TRPC5: variants seen among roughly 807,000 people sequenced by gnomAD.
The protein encoded by TRPC5 is transient receptor potential cation channel subfamily C member 5.
TRPC5 carries 9 observed loss-of-function variants against 56.5 expected under a neutral mutation model. The ratio of observed to expected loss-of-function variants is 0.16; its 90% CI spans 0.10 to 0.28. The LOEUF is 0.28. TRPC5 is among the 10% of genes least tolerant of loss of function. The pLI is 1.00. For missense variants in TRPC5, 469 were observed against 748.9 expected (o/e 0.63, Z 4.36); for synonymous variants, 282 against 278.5 (o/e 1.01, Z -0.13).
intron 1 of TRPC5, among the ~76,000 whole-genome samples, chrX:112,030,945 T>C (rs1929571937): frequency 9.0e-6 from 1 of 111,290 alleles, no homozygotes; most frequent in African/African-American, 3.3e-5. Flanking sequence ...GGGTTATACA[T>C]CTACATGTAA....
intron 3 of TRPC5, among the ~76,000 whole-genome samples, chrX:111,910,886 A>T (rs982137052): frequency 8.9e-6 from 1 of 112,747 alleles, no homozygotes; most frequent in African/African-American, 3.2e-5. Flanking sequence ...GTGCGTAAGT[A>T]TATTACCTAT....
chrX:111,951,886 C>T (rs4363364), intron 2 of TRPC5, among the ~76,000 whole-genome samples, 157 bp downstream of exon 2: 2,575 of 111,556 alleles, frequency 0.023, 78 homozygotes, highest in African/African-American at 0.079. Flanking sequence ...GCATGGGCCA[C>T]GTAGGGTAGC....
At chrX:112,042,743 A>G (rs1359967675) in intron 1 of TRPC5, among the ~76,000 whole-genome samples, 1 of 111,267 alleles carries the variant, frequency 9.0e-6, no homozygotes, top group African/African-American at 3.3e-5. Context: ...GGGCAGATGA[A>G]AAGTATTATA....
chrX:111,773,839 C>T lies in TRPC5; in HGVS notation c.*2474G>A, dbSNP rs1246822654. 9.0e-6 allele frequency among the ~76,000 whole-genome samples: 1 copy of T among 111,556 alleles called. No individual in the cohort carries two copies. The highest frequency in any genetic ancestry group is 3.3e-5 in the African/African-American group (1 of 30,698). ...GTCAGAGGATATACCTAAGCATTTTCACTTGAAATACCTTTTATGATACTT... is the reference window on the plus strand; with the variant it reads ...GTCAGAGGATATACCTAAGCATTTTTACTTGAAATACCTTTTATGATACTT... On this transcript the variant is annotated 3_prime_UTR_variant, in exon 11 of 11. Transcript: ENST00000262839.
chrX:112,017,078 A>G (rs1214868885), intron 1 of TRPC5, among the ~76,000 whole-genome samples: 1 of 111,543 alleles, frequency 9.0e-6, no homozygotes, highest in Non-Finnish European at 1.9e-5. Context: ...CAGTGGTGCA[A>G]TCTCGGCTCA....
intron 4 of TRPC5, 101 bp from the exon 5 acceptor site, chrX:111,852,538 G>T: frequency 1.1e-6 from 1 of 925,721 alleles, no homozygotes; most frequent in Non-Finnish European, 1.5e-6. Flanking sequence ...ATTAAGGAAT[G>T]AATTGGGGTC....
chrX:112,071,205 G>C (rs1285913751), intron 1 of TRPC5, among the ~76,000 whole-genome samples: 5 of 110,394 alleles, frequency 4.5e-5, no homozygotes, highest in African/African-American at 1.6e-4. Flanking sequence ...CCAGCTACTC[G>C]GGGAAGTGGG....
At chrX:111,995,605 T>C (rs1928504099) in intron 1 of TRPC5, among the ~76,000 whole-genome samples, 1 of 111,445 alleles carries the variant, frequency 9.0e-6, no homozygotes, top group Non-Finnish European at 1.9e-5. Context: ...GGACTTTTTT[T>C]GGTTTGGTAG....
At chrX:111,951,994 G>T in intron 2 of TRPC5, 49 bp downstream of exon 2, 2 of 1,159,125 alleles carry the variant, frequency 1.7e-6, no homozygotes, top group African/African-American at 3.6e-5. Context: ...TTCTGACCTG[G>T]TGCCCTGTTG....
intron 6 of TRPC5, among the ~76,000 whole-genome samples, chrX:111,836,548 G>T (rs186820730): frequency 5.7e-4 from 64 of 111,671 alleles, no homozygotes; most frequent in African/African-American, 2.0e-3. Flanking sequence ...CTTCAGAGAG[G>T]CTTTTCTTGG....
chrX:111,893,975 G>A (rs1189929540), intron 3 of TRPC5, among the ~76,000 whole-genome samples: 1 of 111,841 alleles, frequency 8.9e-6, no homozygotes, highest in South Asian at 3.8e-4. Context: ...CTCAAGGGGT[G>A]AAGAGGGTAA....
chrX:111,950,239 G>A (rs1359690501), intron 2 of TRPC5, among the ~76,000 whole-genome samples: 1 of 110,337 alleles, frequency 9.1e-6, no homozygotes, highest in Admixed American at 9.7e-5. Context: ...GCAGGAGAAT[G>A]GCATCAACCC....
At chrX:112,044,502 G>A (rs998382341) in intron 1 of TRPC5, among the ~76,000 whole-genome samples, 3 of 112,000 alleles carry the variant, frequency 2.7e-5, no homozygotes, top group African/African-American at 9.7e-5. Flanking sequence ...CAGAGATATT[G>A]TGAAAATTCA....
intron 1 of TRPC5, among the ~76,000 whole-genome samples, chrX:112,029,299 C>T (rs966737306): frequency 1.8e-5 from 2 of 112,124 alleles, no homozygotes; most frequent in African/African-American, 6.5e-5. Flanking sequence ...CTAATTCTAT[C>T]CATGTTGTTG....
chrX:111,941,679 CA>C (rs1181682989), intron 2 of TRPC5, among the ~76,000 whole-genome samples: 1 of 112,172 alleles, frequency 8.9e-6, no homozygotes, highest in Non-Finnish European at 1.9e-5. Context: ...GCATTGCAGC[CA>C]CTTGTGTGAG....
intron 1 of TRPC5, among the ~76,000 whole-genome samples, chrX:111,990,576 G>A (rs1928328493): frequency 9.0e-6 from 1 of 111,596 alleles, no homozygotes; most frequent in African/African-American, 3.3e-5. Flanking sequence ...AGATAAAGAA[G>A]ACAATCTCCA....
chrX:111,980,757 A>G (rs1928056477), intron 1 of TRPC5, among the ~76,000 whole-genome samples: 1 of 109,729 alleles, frequency 9.1e-6, no homozygotes, highest in Admixed American at 9.9e-5. Context: ...TATGGAATTT[A>G]CAATAGAGTA....
At chrX:112,064,023 C>A (rs1209596133) in intron 1 of TRPC5, among the ~76,000 whole-genome samples, 1 of 111,674 alleles carries the variant, frequency 9.0e-6, no homozygotes, top group Non-Finnish European at 1.9e-5. Context: ...ACACATCCTG[C>A]CCCCCAAACA....
At chrX:111,993,886 T>G (rs772618759) in intron 1 of TRPC5, among the ~76,000 whole-genome samples, 1 of 112,245 alleles carries the variant, frequency 8.9e-6, no homozygotes, top group Non-Finnish European at 1.9e-5. Flanking sequence ...TCTTTTGCTG[T>G]GCAGAAGCTC....
Sources: allele counts gnomAD v4.1 joint callset (sites outside exome capture counted in the v4.1 genomes callset), GRCh38; gene constraint gnomAD v4.1.1; transcripts MANE v1.5; gene names NCBI Gene and HGNC (gene_info 2026-07-23, HGNC 2026-07-21).